Variants in HS1BP3 observed in about 807,000 individuals in gnomAD.
The protein encoded by HS1BP3 is HCLS1 binding protein 3.
HS1BP3 carries 32 observed loss-of-function variants against 33.5 expected under a neutral mutation model. The ratio of observed to expected loss-of-function variants is 0.95; its 90% CI spans 0.72 to 1.28. The LOEUF is 1.28. HS1BP3 is among the 50% of genes most tolerant of loss of function. The pLI, the probability that HS1BP3 is intolerant of heterozygous loss-of-function variation, is 0.00. For missense variants in HS1BP3, 486 were observed against 502.3 expected (o/e 0.97, Z 0.31); for synonymous variants, 187 against 209.2 (o/e 0.89, Z 0.92).
downstream of HS1BP3, among the ~76,000 whole-genome samples, chr2:20,588,966 G>C (rs1306339912): frequency 6.6e-6 from 1 of 152,208 alleles, no homozygotes; most frequent in Non-Finnish European, 1.5e-5. Context: ...ATGATCTCCA[G>C]TGGGGACCAG....
intron 2 of HS1BP3, among the ~76,000 whole-genome samples, chr2:20,644,196 T>C (rs1439370090): frequency 1.3e-5 from 2 of 152,080 alleles, no homozygotes; most frequent in African/African-American, 4.8e-5. Flanking sequence ...AGCCAATGAG[T>C]GTGTGATCTC....
chr2:20,570,286 T>G (rs1215365120), intron 5 of HS1BP3, among the ~76,000 whole-genome samples: 7 of 152,230 alleles, frequency 4.6e-5, no homozygotes, highest in Non-Finnish European at 7.3e-5. Context: ...TTTCCAACTT[T>G]ATAGAATGCT....
downstream of HS1BP3, chr2:20,617,743 ACT>A (rs1694462412): frequency 6.6e-6 from 1 of 152,390 alleles, no homozygotes; most frequent in African/African-American, 2.4e-5. Context: ...CTTTAAAACT[ACT>A]GTTTCATTAA....
intron 5 of HS1BP3, among the ~76,000 whole-genome samples, chr2:20,579,666 A>G (rs1278577240): frequency 6.6e-6 from 1 of 152,186 alleles, no homozygotes; most frequent in Admixed American, 6.5e-5. Context: ...GGACCCTGTG[A>G]CAAGAGGAAA....
intron 5 of HS1BP3, among the ~76,000 whole-genome samples, chr2:20,580,233 G>C (rs1414904876): frequency 6.6e-6 from 1 of 152,214 alleles, no homozygotes; most frequent in Admixed American, 6.5e-5. Flanking sequence ...ACTTCCAAGG[G>C]GGAAGCTGAG....
rs142876728 is a variant in HS1BP3, at chr2:20,624,960, G to A, written c.624-68C>T. 4.3e-4 allele frequency: 669 copies of A among 1,565,290 alleles called. 4 individuals are homozygous for A. In the African/African-American group the frequency reaches 8.1e-3, roughly 19 times the overall value. ...AGTGTCCAGGTGGTCCGGTCAGACCGACACAGGCGCTGGGCCCTGCAGTGG... is the reference window on the plus strand; with the variant it reads ...AGTGTCCAGGTGGTCCGGTCAGACCAACACAGGCGCTGGGCCCTGCAGTGG... On this transcript the variant is annotated intron_variant, in intron 4 of 6. Transcript: ENST00000304031.
chr2:20,640,197 T>G (rs962127842), intron 3 of HS1BP3: 1 of 152,244 alleles, frequency 6.6e-6, no homozygotes, highest in African/African-American at 2.4e-5. Context: ...GAACCTGCCT[T>G]GTCCTGGGGG....
At chr2:20,598,139 C>G in intron 3 of HS1BP3, 1 of 203,054 alleles carries the variant, frequency 4.9e-6, no homozygotes, top group African/African-American at 2.3e-5. Context: ...AAGCACATTA[C>G]ATTTTTGGTG....
intron 5 of HS1BP3, among the ~76,000 whole-genome samples, chr2:20,582,455 G>T (rs9808086): frequency 0.03 from 4,571 of 152,102 alleles, 219 homozygotes; most frequent in African/African-American, 0.11. Context: ...AGATAAGTGA[G>T]GGAGGGGTGG....
chr2:20,561,893 G>T (rs947042339), intron 5 of HS1BP3, among the ~76,000 whole-genome samples: 1 of 152,150 alleles, frequency 6.6e-6, no homozygotes, highest in African/African-American at 2.4e-5. Context: ...GTGATTAGAA[G>T]GTTGGGACTT....
chr2:20,576,312 C>T (rs909707468), intron 5 of HS1BP3, among the ~76,000 whole-genome samples: 1 of 152,200 alleles, frequency 6.6e-6, no homozygotes, highest in Non-Finnish European at 1.5e-5. Flanking sequence ...CAATCTTTGC[C>T]TAAGTTGTTT....
intron 3 of HS1BP3, among the ~76,000 whole-genome samples, chr2:20,639,797 G>A (rs1247127292): frequency 1.3e-5 from 2 of 152,200 alleles, no homozygotes; most frequent in Non-Finnish European, 2.9e-5. Flanking sequence ...CCAGAGAGGG[G>A]CTGGGACATC....
intron 5 of HS1BP3, among the ~76,000 whole-genome samples, chr2:20,581,259 T>A (rs899716779): frequency 6.6e-6 from 1 of 152,218 alleles, no homozygotes; most frequent in Non-Finnish European, 1.5e-5. Flanking sequence ...TATCTCACTG[T>A]CTGTATTAGT....
At chr2:20,597,394 C>T (rs10153731) in intron 3 of HS1BP3, among the ~76,000 whole-genome samples, 2,709 of 152,312 alleles carry the variant, frequency 0.018, 83 homozygotes, top group African/African-American at 0.062. Flanking sequence ...CTGGACGGAG[C>T]TCCAGGTGAC....
At chr2:20,559,717 T>A (rs1276873979), downstream of HS1BP3, among the ~76,000 whole-genome samples, 1 of 133,764 alleles carries the variant, frequency 7.5e-6, no homozygotes, top group Non-Finnish European at 1.7e-5. Flanking sequence ...GGTGGATGGA[T>A]GGATGGATGG....
intron 2 of HS1BP3, among the ~76,000 whole-genome samples, chr2:20,604,808 A>G (rs2149284073): frequency 6.6e-6 from 1 of 152,192 alleles, no homozygotes; most frequent in Admixed American, 6.5e-5. Flanking sequence ...CCATCCCCTG[A>G]GAGAGACTCT....
chr2:20,557,390 C>T (rs1171955646), downstream of HS1BP3, among the ~76,000 whole-genome samples: 2 of 152,188 alleles, frequency 1.3e-5, no homozygotes, highest in Admixed American at 6.5e-5. Context: ...CCTGGCTTGA[C>T]CCTCTATGGA....
chr2:20,584,162 G>C (rs1693626338), intron 5 of HS1BP3, among the ~76,000 whole-genome samples: 1 of 152,222 alleles, frequency 6.6e-6, no homozygotes, highest in Non-Finnish European at 1.5e-5. Context: ...GGGCCAGGTG[G>C]GGTATAGATA....
Position 20,573,389 on chromosome 2 carries a change from T to C in HS1BP3, c.303-12874A>G, listed in dbSNP as rs1693321235. 2.0e-5 allele frequency among the ~76,000 whole-genome samples: 3 copies of C among 152,186 alleles called. No individual in the cohort carries two copies. In the South Asian group the frequency reaches 6.2e-4, roughly 31 times the overall value. ...CTCTTTAACCATGGGGTCCTCTGTC[T>C]CCACCACAACCCGTGGTACTTTGAG... On this transcript the variant is annotated intron_variant, in intron 5 of 5. Transcript: ENST00000446825.
Sources: allele counts gnomAD v4.1 joint callset (sites outside exome capture counted in the v4.1 genomes callset), GRCh38; gene constraint gnomAD v4.1.1; transcripts MANE v1.5; gene names NCBI Gene and HGNC (gene_info 2026-07-23, HGNC 2026-07-21).